GSE1: variants seen among roughly 807,000 people sequenced by gnomAD.
The protein encoded by GSE1 is Gse1 coiled-coil protein, also known as genetic suppressor element 1.
GSE1 carries 32 observed loss-of-function variants against 112.6 expected under a neutral mutation model. The observed-to-expected ratio is 0.28, with a 90% CI of 0.21 to 0.38. The LOEUF is 0.38. Ranked by LOEUF, GSE1 falls within the 10% of genes least tolerant of loss-of-function variation. The pLI is 1.00. For missense variants in GSE1, 2,348 were observed against 1,699.2 expected, an observed-to-expected ratio of 1.38 and a Z score of -6.71; for synonymous variants, 1,115 against 735.6, an observed-to-expected ratio of 1.52 and a Z score of -8.35.
At chr16:85,644,245 G>A (rs2050674510) in intron 2 of GSE1, among the ~76,000 whole-genome samples, 1 of 152,174 alleles carries the variant, frequency 6.6e-6, no homozygotes, top group Non-Finnish European at 1.5e-5. Context: ...AGGCTGAGGT[G>A]GGAGGATCAC....
chr16:85,376,143 T>C (rs562547001), intron 2 of GSE1, among the ~76,000 whole-genome samples: 35 of 152,240 alleles, frequency 2.3e-4, no homozygotes, highest in African/African-American at 8.4e-4. Flanking sequence ...CTTCTCTCTT[T>C]TCATCCCCAG....
intron 1 of GSE1, among the ~76,000 whole-genome samples, chr16:85,323,978 T>C (rs1227416819): frequency 1.3e-5 from 2 of 152,160 alleles, no homozygotes; most frequent in Non-Finnish European, 2.9e-5. Context: ...CACCACCCGA[T>C]TCCTTTGCAC....
intron 2 of GSE1, among the ~76,000 whole-genome samples, chr16:85,361,633 C>T (rs1421722837): frequency 6.6e-6 from 1 of 152,198 alleles, no homozygotes; most frequent in Non-Finnish European, 1.5e-5. Flanking sequence ...CAGGGCCGTC[C>T]GTTTCTGACC....
Position 85,226,164 on chromosome 16 carries a change from C to T in GSE1, c.2283+54357C>T, listed in dbSNP as rs114914283. On this transcript the variant is annotated intron_variant, in intron 1 of 2. Coordinates refer to the GSE1 transcript ENST00000637419. ...ACACGTGTCACTGAGAAGGTAGGCA[C>T]GTCAGAGGATCCATGGACATGTTCC... Among the ~76,000 whole-genome samples the T allele has an allele frequency of 4.5e-3, 692 of 152,294 alleles. 3 individuals are homozygous for T. The highest frequency in any genetic ancestry group is 0.016 in the African/African-American group (646 of 41,552).
At chr16:85,587,263 C>T (rs1325960324) in intron 1 of GSE1, among the ~76,000 whole-genome samples, 9 of 152,004 alleles carry the variant, frequency 5.9e-5, no homozygotes, top group Admixed American at 6.5e-5. Context: ...AAGGGGGAAA[C>T]GGCGATGTGG....
intron 2 of GSE1, among the ~76,000 whole-genome samples, chr16:85,440,233 G>C (rs2049344375): frequency 6.6e-6 from 1 of 152,260 alleles, no homozygotes; most frequent in South Asian, 2.1e-4. Context: ...TCAGGAGACA[G>C]TCAGCCCTCT....
In GSE1 at chr16:85,510,392, C is replaced by T. The variant is rs1036125685; in HGVS notation, c.2465-123522C>T. On this transcript the variant is annotated intron_variant, in intron 2 of 2. Coordinates refer to the GSE1 transcript ENST00000637419. ...CCACCGCTTCCCCGCAGCCCAGGAC[C>T]AGGGCCCGAGCGTGCGTGTGTGTGT... Among the ~76,000 whole-genome samples the T allele has an allele frequency of 3.1e-5, 3 of 96,088 alleles. No homozygotes were observed. In the South Asian group the frequency reaches 1.2e-3, roughly 38 times the overall value. 63.0% of individuals were successfully genotyped at this position (96,088 alleles called of 152,430 possible). A position where few individuals can be genotyped will look rare whatever the true frequency, so the allele number is the denominator to read the frequency against.
Position 85,556,483 on chromosome 16 carries a change from G to GC in GSE1, c.37+126dup, listed in dbSNP as rs1555532065. ...GGGTCGGGGCATTGGGTCCGCCGGT[G>GC]CCCCCCGCAGACGCGCGCGGCCTCG... On this transcript the variant is annotated intron_variant, in intron 1 of 2. Transcript: ENST00000635906. The GC allele has an allele frequency of 7.5e-3, 1,725 of 229,906 alleles. 43 individuals are homozygous for GC. The highest frequency in any genetic ancestry group is 0.039 in the African/African-American group (1,654 of 42,354). The allele number at this position is 229,906 out of a possible 1,614,324, so 14.2% of individuals were successfully genotyped here. A position where few individuals can be genotyped will look rare whatever the true frequency, so the allele number is the denominator to read the frequency against.
At chr16:85,531,032 C>T (rs1402998332) in intron 2 of GSE1, among the ~76,000 whole-genome samples, 1 of 152,274 alleles carries the variant, frequency 6.6e-6, no homozygotes, top group Non-Finnish European at 1.5e-5. Context: ...TGATCTCTGG[C>T]TCCAAGGAGT....
chr16:85,520,705 G>T (rs1334870565), intron 2 of GSE1, among the ~76,000 whole-genome samples: 3 of 152,008 alleles, frequency 2.0e-5, no homozygotes, highest in Non-Finnish European at 4.4e-5. Flanking sequence ...TTACAGGAGT[G>T]AGCCACCGCG....
At chr16:85,283,510 G>C (rs2044919328) in intron 1 of GSE1, 1 of 152,694 alleles carries the variant, frequency 6.5e-6, no homozygotes, top group Non-Finnish European at 1.5e-5. Flanking sequence ...AGGCAGAGTA[G>C]TTGGCGAAGG....
chr16:85,665,229 C>T (rs1299594533), intron 12 of GSE1, 101 bp downstream of exon 12: 22 of 670,058 alleles, frequency 3.3e-5, no homozygotes, highest in South Asian at 2.9e-4. Context: ...GTGAATGTGG[C>T]CTCCTGCAGG....
intron 1 of GSE1, among the ~76,000 whole-genome samples, chr16:85,190,769 C>T (rs1396089606): frequency 6.6e-6 from 1 of 152,208 alleles, no homozygotes; most frequent in African/African-American, 2.4e-5. Context: ...ATTTGAGGGG[C>T]CATGGGAGGT....
intron 1 of GSE1, among the ~76,000 whole-genome samples, chr16:85,271,213 G>T (rs985409936): frequency 6.6e-6 from 1 of 152,018 alleles, no homozygotes. Context: ...TGTCTCTCAC[G>T]GTGGGTCCCA....
chr16:85,326,254 C>T (rs1280738778), intron 1 of GSE1, among the ~76,000 whole-genome samples: 1 of 151,952 alleles, frequency 6.6e-6, no homozygotes, highest in Non-Finnish European at 1.5e-5. Flanking sequence ...CTCTGAGCCA[C>T]CCGCCTGGTT....
intron 2 of GSE1, among the ~76,000 whole-genome samples, chr16:85,439,936 G>A (rs977215980): frequency 1.3e-5 from 2 of 152,178 alleles, no homozygotes; most frequent in African/African-American, 4.8e-5. Context: ...ACAGGCATAC[G>A]CAGAGACACT....
chr16:85,469,853 G>A (rs571038268), intron 2 of GSE1, among the ~76,000 whole-genome samples: 3 of 152,348 alleles, frequency 2.0e-5, no homozygotes, highest in South Asian at 4.1e-4. Flanking sequence ...GAGGATTAGG[G>A]ACACCACGAG....
intron 1 of GSE1, among the ~76,000 whole-genome samples, chr16:85,620,653 G>A (rs574205655): frequency 8.2e-4 from 125 of 152,408 alleles, no homozygotes; most frequent in African/African-American, 3.0e-3. Context: ...TTCGGAATCA[G>A]CCCTTGTGGA....
chr16:85,500,690 A>C (rs1187059100), intron 2 of GSE1, among the ~76,000 whole-genome samples: 2 of 152,022 alleles, frequency 1.3e-5, no homozygotes, highest in Non-Finnish European at 2.9e-5. Flanking sequence ...CCCTCCCCCC[A>C]TCAGTGTCCC....
Sources: allele counts gnomAD v4.1 joint callset (sites outside exome capture counted in the v4.1 genomes callset), GRCh38; gene constraint gnomAD v4.1.1; transcripts MANE v1.5; gene names NCBI Gene and HGNC (gene_info 2026-07-23, HGNC 2026-07-21).